CHM: variants seen among roughly 807,000 people sequenced by gnomAD.
CHM encodes CHM Rab escort protein, also known as rab proteins geranylgeranyltransferase component A 1.
In CHM, 10 loss-of-function variants were observed where a neutral mutation model predicts 49.0. The observed-to-expected ratio is 0.20, with a 90% CI of 0.13 to 0.35. CHM has a LOEUF of 0.35. CHM is among the 10% of genes least tolerant of loss of function. The probability of loss-of-function intolerance (pLI) is 1.00; values close to 1 mark genes in which losing one functional copy is unlikely to be tolerated. For synonymous variants in CHM, 184 were observed against 167.5 expected (o/e 1.10, Z -0.76); for missense variants, 455 against 478.4 (o/e 0.95, Z 0.46).
chrX:86,013,420 G>A (rs1001916890), intron 2 of CHM, among the ~76,000 whole-genome samples: 7 of 111,572 alleles, frequency 6.3e-5, no homozygotes, highest in Admixed American at 1.9e-4. Flanking sequence ...TATAAAACAA[G>A]TATGCTTTAC....
In CHM at chrX:85,963,881, A is replaced by G. The variant is rs1007713532; in HGVS notation, c.486T>C (p.Asp162=). The G allele has an allele frequency of 8.3e-7, 1 of 1,208,598 alleles. No individual in the cohort carries two copies. Among genetic ancestry groups the G allele is most frequent in the African/African-American group, 1.8e-5 (1 of 56,791 alleles). Residue 162 remains aspartate, a synonymous_variant, in exon 5 of 15, where the codon GAT becomes GAC. Transcript: ENST00000357749. ...EMLTEQTPSS[D]PENALEVNGA... ...CATTTACTTCTAGCGCATTCTCTGG[A>G]TCGCTGCTTGGAGTTTGTTCTGTGA... is the stretch of plus-strand genomic sequence containing the variant.
At chrX:85,891,355 C>T (rs1925440545) in intron 12 of CHM, among the ~76,000 whole-genome samples, 1 of 112,092 alleles carries the variant, frequency 8.9e-6, no homozygotes, top group Non-Finnish European at 1.9e-5. Flanking sequence ...ACTGCAGCCT[C>T]TCTCACCATA....
At chrX:85,967,966 G>A (rs775307625) in intron 4 of CHM, among the ~76,000 whole-genome samples, 4 of 111,110 alleles carry the variant, frequency 3.6e-5, no homozygotes, top group African/African-American at 6.5e-5. Flanking sequence ...TGAGGAACAG[G>A]TGTTTAATTT....
At position 86,042,654 on chromosome X, in the gene CHM, C is replaced by T. The variant is rs191810122; in HGVS notation, c.49+4830G>A. Among the ~76,000 whole-genome samples the T allele has an allele frequency of 4.4e-3, 470 of 106,048 alleles. 6 individuals carry two copies. The highest frequency in any genetic ancestry group is 6.0e-3 in the Non-Finnish European group (309 of 51,787). 92.1% of individuals were successfully genotyped at this position (106,048 alleles called of 115,157 possible). The stretch of plus-strand genomic sequence containing the variant: ...GCAACATAGGCAGACCCCATCTCTA[C>T]AAAAATAAAAAAAAAAAAATTAGCC... On this transcript the variant is annotated intron_variant, in intron 1 of 14. Coordinates refer to ENST00000357749, the MANE Select transcript of CHM (RefSeq NM_000390.4).
At chrX:85,933,548 G>A (rs2148197306) in intron 8 of CHM, among the ~76,000 whole-genome samples, 1 of 112,117 alleles carries the variant, frequency 8.9e-6, no homozygotes, top group Admixed American at 9.5e-5. Flanking sequence ...AATACAAGAA[G>A]TTAAAACACA....
chrX:85,915,680 A>G (rs1203245916), intron 8 of CHM, among the ~76,000 whole-genome samples: 1 of 112,091 alleles, frequency 8.9e-6, no homozygotes, highest in Non-Finnish European at 1.9e-5. Flanking sequence ...GAAAATCAGG[A>G]AAGACCACCA....
intron 2 of CHM, chrX:86,019,513 G>C (rs1174985631): frequency 8.9e-6 from 1 of 111,858 alleles, no homozygotes; most frequent in Non-Finnish European, 1.9e-5. Flanking sequence ...TATTTGAAAA[G>C]TCTAATAAAA....
intron 2 of CHM, among the ~76,000 whole-genome samples, chrX:86,020,016 A>T (rs930001318): frequency 1.8e-5 from 2 of 111,345 alleles, no homozygotes; most frequent in African/African-American, 3.3e-5. Context: ...ATTAAAGACA[A>T]AAATCAGTAC....
intron 2 of CHM, among the ~76,000 whole-genome samples, chrX:86,014,130 G>A (rs1019653507): frequency 4.5e-5 from 5 of 111,982 alleles, no homozygotes; most frequent in African/African-American, 1.6e-4. Context: ...TCAGAATACA[G>A]CATCGAAAAG....
At chrX:85,890,594 T>G (rs141236101) in intron 12 of CHM, among the ~76,000 whole-genome samples, 1,765 of 111,963 alleles carry the variant, frequency 0.016, 14 homozygotes, top group Non-Finnish European at 0.024. Context: ...TTTTTCTCCT[T>G]CTGCTGCCAC....
At chrX:85,962,704 G>GT (rs1353177596) in intron 5 of CHM, among the ~76,000 whole-genome samples, 1 of 111,644 alleles carries the variant, frequency 9.0e-6, no homozygotes, top group African/African-American at 3.3e-5. Flanking sequence ...GATTTAGTCT[G>GT]TTTTTCTCTA....
At chrX:85,931,657 C>T (rs1332911178) in intron 8 of CHM, among the ~76,000 whole-genome samples, 2 of 110,774 alleles carry the variant, frequency 1.8e-5, no homozygotes, top group Non-Finnish European at 3.8e-5. Flanking sequence ...GTCTGAGAGG[C>T]AGTATTGTAC....
chrX:85,981,820 T>TAAAAAAA lies in CHM; in HGVS notation c.117-18_117-12dup. The TAAAAAAA allele has an allele frequency of 1.1e-6, 1 of 949,876 alleles. No individual in the cohort carries two copies. The highest frequency in any genetic ancestry group is 2.4e-5 in the South Asian group (1 of 42,551). 78.3% of individuals were successfully genotyped at this position (949,876 alleles called of 1,213,427 possible). A position where few individuals can be genotyped will look rare whatever the true frequency, so the allele number is the denominator to read the frequency against. ...CCATAGTAGCTTCTTCTGTAACAAT[T>TAAAAAAA]AAAAAAAAAAAAAAAAGTAAAGAAA... On this transcript the variant is annotated splice_polypyrimidine_tract_variant and intron_variant, in intron 2 of 14. Transcript: ENST00000357749.
At chrX:85,975,452 T>C (rs1324648346) in intron 4 of CHM, among the ~76,000 whole-genome samples, 3 of 112,099 alleles carry the variant, frequency 2.7e-5, no homozygotes, top group Non-Finnish European at 5.6e-5. Context: ...CCCATTACTG[T>C]GGAATACTAT....
intron 8 of CHM, among the ~76,000 whole-genome samples, chrX:85,912,620 C>T (rs1927099466): frequency 1.8e-5 from 2 of 111,337 alleles, no homozygotes; most frequent in Admixed American, 9.5e-5. Context: ...AATATATTAC[C>T]ATATCTGGCA....
At chrX:85,968,594 TA>T (rs908344818) in intron 4 of CHM, among the ~76,000 whole-genome samples, 3 of 111,985 alleles carry the variant, frequency 2.7e-5, no homozygotes, top group Non-Finnish European at 5.6e-5. Flanking sequence ...TTTCAGCCAA[TA>T]AGATAATGAT....
intron 2 of CHM, among the ~76,000 whole-genome samples, chrX:85,987,300 G>A (rs993684204): frequency 8.1e-5 from 9 of 111,381 alleles, no homozygotes; most frequent in African/African-American, 2.6e-4. Flanking sequence ...GTCAAATACA[G>A]AAAATACATA....
At chrX:86,011,418 G>A (rs1409263367) in intron 2 of CHM, among the ~76,000 whole-genome samples, 1 of 111,332 alleles carries the variant, frequency 9.0e-6, no homozygotes, top group Non-Finnish European at 1.9e-5. Flanking sequence ...CAGACAGCAA[G>A]GTGCATGGTG....
chrX:85,939,501 C>G (rs1457570841), intron 8 of CHM, among the ~76,000 whole-genome samples: 4 of 112,082 alleles, frequency 3.6e-5, no homozygotes, highest in Non-Finnish European at 5.6e-5. Flanking sequence ...GACAATACAG[C>G]CATCTAAATT....
Sources: allele counts gnomAD v4.1 joint callset (sites outside exome capture counted in the v4.1 genomes callset), GRCh38; gene constraint gnomAD v4.1.1; transcripts MANE v1.5; gene names NCBI Gene and HGNC (gene_info 2026-07-23, HGNC 2026-07-21).